The following AP1M1 variants were observed in gnomAD, a reference collection of about 807,000 sequenced individuals.
AP1M1 encodes adaptor related protein complex 1 subunit mu 1, also known as AP-1 complex subunit mu-1.
In AP1M1, 18 loss-of-function variants were observed where a neutral mutation model predicts 57.1. The observed-to-expected ratio is 0.32, with a 90% CI of 0.22 to 0.47. The LOEUF (loss-of-function observed/expected upper bound fraction) is 0.47, where lower values mean the gene tolerates loss of function less well. AP1M1 is among the 20% of genes least tolerant of loss of function. The pLI, the probability that AP1M1 is intolerant of heterozygous loss-of-function variation, is 1.00. For missense variants in AP1M1, 362 were observed against 593.5 expected (o/e 0.61, Z 4.05); for synonymous variants, 241 against 237.9 (o/e 1.01, Z -0.12).
chr19:16,199,063 C>G (rs1222832458), intron 1 of AP1M1, among the ~76,000 whole-genome samples: 1 of 152,170 alleles, frequency 6.6e-6, no homozygotes, highest in East Asian at 1.9e-4. Context: ...CTGTCTTAGC[C>G]TCCCAAAGTG....
At chr19:16,210,267 G>C (rs2091488216) in intron 5 of AP1M1, 1 of 665,986 alleles carries the variant, frequency 1.5e-6, no homozygotes, top group Non-Finnish European at 2.8e-6. Flanking sequence ...AGGACATTTG[G>C]GTGGTTTTCC....
At chr19:16,200,258 G>T (rs1250570539) in intron 1 of AP1M1, among the ~76,000 whole-genome samples, 1 of 152,200 alleles carries the variant, frequency 6.6e-6, no homozygotes, top group Non-Finnish European at 1.5e-5. Context: ...CAGTGGAAGG[G>T]GGAGGTGGTT....
rs781363860 is a variant in AP1M1 at position 16,237,911 on chromosome 19, G to A, written c.*3476G>A. The A allele has an allele frequency of 2.6e-5, 4 of 151,878 alleles. No homozygotes were observed. The highest frequency in any genetic ancestry group is 4.4e-5 in the Non-Finnish European group (3 of 67,952). The allele number at this position is 151,878 out of a possible 1,614,324, so 9.4% of individuals were successfully genotyped here. ...GGCTGGAGTGCAGTGGCGTGATCAC[G>A]GCTCACTGCAGCCTCGAGCTGCCAG... is the stretch of plus-strand genomic sequence containing the variant. On this transcript the variant is annotated 3_prime_UTR_variant, in exon 12 of 12. Transcript: ENST00000291439.
rs1180427998 is a variant in AP1M1 at position 16,238,409 on chromosome 19, A to G, written c.*3974A>G. On this transcript the variant is annotated 3_prime_UTR_variant, in exon 12 of 12. Coordinates refer to ENST00000291439, the MANE Select transcript of AP1M1 (RefSeq NM_032493.4). The stretch of plus-strand genomic sequence containing the variant: ...GTCCATTCATGCAAGAGATTACAGC[A>G]GTGAAAATGAATTCAACTAGAGCAG... 2.0e-5 allele frequency: 3 copies of G among 152,248 alleles called. No individual in the cohort carries two copies. Among genetic ancestry groups the G allele is most frequent in the African/African-American group, 7.2e-5 (3 of 41,474 alleles). The allele number at this position is 152,248 out of a possible 1,614,324, so 9.4% of individuals were successfully genotyped here. A position where few individuals can be genotyped will look rare whatever the true frequency, so the allele number is the denominator to read the frequency against.
chr19:16,206,212 TA>T lies in AP1M1; in HGVS notation c.200-126del. The T allele has an allele frequency of 1.1e-6, 1 of 933,024 alleles. No homozygotes were observed. Among genetic ancestry groups the T allele is most frequent in the Non-Finnish European group, 1.7e-6 (1 of 601,524 alleles). 57.8% of individuals were successfully genotyped at this position (933,024 alleles called of 1,614,324 possible). A position where few individuals can be genotyped will look rare whatever the true frequency, so the allele number is the denominator to read the frequency against. ...GCTTTGTAGCCCACCATGGGCCAAG[TA>T]AACGGCTGGGAGTGGGGATAGGGAA... On this transcript the variant is annotated intron_variant, in intron 2 of 11. Transcript: ENST00000291439. The surrounding 1 kb of genome is among the most constrained non-coding windows in gnomAD (Gnocchi z 4.3).
chr19:16,214,453 G>T (rs1397555647), intron 5 of AP1M1, among the ~76,000 whole-genome samples: 1 of 149,556 alleles, frequency 6.7e-6, no homozygotes, highest in Non-Finnish European at 1.5e-5. Flanking sequence ...CCTGGCTCAA[G>T]CAATTCTCCT....
At chr19:16,218,256 G>A (rs1298412802) in intron 5 of AP1M1, among the ~76,000 whole-genome samples, 1 of 152,162 alleles carries the variant, frequency 6.6e-6, no homozygotes, top group South Asian at 2.1e-4. Context: ...CCACCAGCTC[G>A]CCCTTGAGTT....
chr19:16,204,718 G>A (rs1361086945), intron 2 of AP1M1, among the ~76,000 whole-genome samples: 2 of 152,156 alleles, frequency 1.3e-5, no homozygotes, highest in African/African-American at 2.4e-5. Flanking sequence ...GGTGGCCGGT[G>A]TGCACATTCC....
rs1279245987 is a variant in AP1M1, at chr19:16,236,176, C to CG, written c.*1745dup. 6.5e-6 allele frequency: 1 copy of CG among 152,778 alleles called. No individual in the cohort carries two copies. Among genetic ancestry groups the CG allele is most frequent in the Non-Finnish European group, 1.5e-5 (1 of 68,484 alleles). 9.5% of individuals were successfully genotyped at this position (152,778 alleles called of 1,614,324 possible). A position where few individuals can be genotyped will look rare whatever the true frequency, so the allele number is the denominator to read the frequency against. On this transcript the variant is annotated 3_prime_UTR_variant, in exon 12 of 12. Coordinates refer to ENST00000291439, the MANE Select transcript of AP1M1 (RefSeq NM_032493.4). ...CATTTGCCATCCTCGCTGCCACCCCCGGGGCCTAGCTCCAGTGTGGGCTGT... is the reference window on the plus strand; with the variant it reads ...CATTTGCCATCCTCGCTGCCACCCCCGGGGGCCTAGCTCCAGTGTGGGCTGT...
intron 5 of AP1M1, among the ~76,000 whole-genome samples, chr19:16,215,515 A>G (rs1180095368): frequency 1.3e-5 from 2 of 149,588 alleles, no homozygotes; most frequent in East Asian, 3.9e-4. Flanking sequence ...TAGGCCTCCA[A>G]TCTCTTCTGG....
chr19:16,232,718 G>A (rs932823504), intron 9 of AP1M1, among the ~76,000 whole-genome samples: 5 of 152,194 alleles, frequency 3.3e-5, no homozygotes, highest in African/African-American at 1.2e-4. Context: ...AGCCCTAGGC[G>A]GCAGTAGCTC....
chr19:16,213,713 G>A (rs1206552034), intron 5 of AP1M1, among the ~76,000 whole-genome samples: 7 of 152,064 alleles, frequency 4.6e-5, no homozygotes, highest in African/African-American at 7.2e-5. Flanking sequence ...GGCTGGTCTC[G>A]AACTCCTGAC....
chr19:16,219,431 C>T (rs1428126376), intron 5 of AP1M1, among the ~76,000 whole-genome samples: 2 of 143,464 alleles, frequency 1.4e-5, no homozygotes, highest in Non-Finnish European at 1.5e-5. Context: ...GAATTTCGCT[C>T]TTGTTGCCCA....
chr19:16,243,432 C>CTTTTTTTTTTTTTTTT lies in AP1M1; in HGVS notation c.*8998_*8999insTTTTTTTTTTTTTTTT, dbSNP rs550578052. The CTTTTTTTTTTTTTTTT allele has an allele frequency of 2.4e-5, 3 of 124,266 alleles. 1 individual carries two copies. The allele number at this position is 124,266 out of a possible 1,614,324, so 7.7% of individuals were successfully genotyped here. A position where few individuals can be genotyped will look rare whatever the true frequency, so the allele number is the denominator to read the frequency against. On this transcript the variant is annotated 3_prime_UTR_variant, in exon 12 of 12. Transcript: ENST00000291439. ...TACAGGTGAGCACCACCAAGCTCAG[C>CTTTTTTTTTTTTTTTT]TATTTTTTTTTTTTTTTTGTATTTT... is the stretch of plus-strand genomic sequence containing the variant.
chr19:16,224,409 G>A (rs1367438815), intron 5 of AP1M1, among the ~76,000 whole-genome samples: 1 of 152,248 alleles, frequency 6.6e-6, no homozygotes, highest in African/African-American at 2.4e-5. Flanking sequence ...CAGCACAAGG[G>A]CAGCTGTCAG....
intron 2 of AP1M1, among the ~76,000 whole-genome samples, chr19:16,205,855 A>G (rs1467638295): frequency 1.3e-5 from 2 of 152,352 alleles, no homozygotes; most frequent in East Asian, 3.9e-4. Context: ...GGTTTATTTC[A>G]TGGGCCAAGG....
Position 16,207,956 on chromosome 19 carries a change from A to C in AP1M1, c.268-63A>C. On this transcript the variant is annotated intron_variant, in intron 3 of 11. Transcript: ENST00000291439. The surrounding 1 kb of genome is among the most constrained non-coding windows in gnomAD (Gnocchi z 4.2). The stretch of plus-strand genomic sequence containing the variant: ...AATGAATGTGTGCAAGCGTTCATTC[A>C]TTCCTCATCCGTCCGCTCAATGATC... 6.4e-7 allele frequency: 1 copy of C among 1,559,662 alleles called. No individual in the cohort carries two copies. Among genetic ancestry groups the C allele is most frequent in the East Asian group, 2.2e-5 (1 of 44,458 alleles).
chr19:16,214,627 C>T (rs968494696), intron 5 of AP1M1, among the ~76,000 whole-genome samples: 8 of 152,214 alleles, frequency 5.3e-5, no homozygotes, highest in African/African-American at 1.9e-4. Context: ...GCTGGGATTA[C>T]AGGCATGAGC....
At chr19:16,215,862 CCTTTT>C (rs1473088395) in intron 5 of AP1M1, among the ~76,000 whole-genome samples, 9 of 152,052 alleles carry the variant, frequency 5.9e-5, no homozygotes, top group Non-Finnish European at 1.5e-5. Flanking sequence ...TTTGTTCATT[CCTTTT>C]CGTTATTTTT....
Sources: gnomAD v4.1 joint callset for allele counts (sites outside exome capture counted in the v4.1 genomes callset) on GRCh38, gnomAD v4.1.1 for gene constraint, Gnocchi (gnomAD v3.1) non-coding constraint, MANE v1.5 for transcripts, NCBI Gene and HGNC (gene_info 2026-07-23, HGNC 2026-07-21) for gene names.